Variants in RASSF8 observed in about 807,000 individuals in gnomAD.
RASSF8 encodes the protein Ras association domain family member 8.
RASSF8 carries 22 observed loss-of-function variants against 48.5 expected under a neutral mutation model. That is an observed-to-expected ratio of 0.45 (90% CI 0.32 to 0.65). The LOEUF (loss-of-function observed/expected upper bound fraction) is 0.65, where lower values mean the gene tolerates loss of function less well. Among genes scored for constraint, RASSF8 ranks in the 30% least tolerant of loss-of-function variants. The pLI, the probability that RASSF8 is intolerant of heterozygous loss-of-function variation, is 0.03. For missense variants in RASSF8, 418 were observed against 489.2 expected (o/e 0.85, Z 1.37); for synonymous variants, 127 against 171.5 (o/e 0.74, Z 2.03).
chr12:26,011,250 G>A (rs1238167050), intron 2 of RASSF8, among the ~76,000 whole-genome samples: 1 of 151,922 alleles, frequency 6.6e-6, no homozygotes, highest in African/African-American at 2.4e-5. Context: ...AACTGAGTCA[G>A]TCATGTGTCC....
chr12:25,958,694 C>T lies in RASSF8; in HGVS notation c.-657C>T, dbSNP rs1467864340. ...CGGCCCCCAGCCCAGAGGCACCGGC[C>T]GCGGGAGCGAGCGGGTCGCCGACTC... On this transcript the variant is annotated 5_prime_UTR_variant, in exon 1 of 6. Coordinates refer to ENST00000689635, the MANE Select transcript of RASSF8 (RefSeq NM_001394098.1). 6.8e-6 allele frequency: 1 copy of T among 146,460 alleles called. No individual in the cohort carries two copies. Among genetic ancestry groups the T allele is most frequent in the East Asian group, 2.0e-4 (1 of 5,038 alleles). The allele number at this position is 146,460 out of a possible 1,614,324, so 9.1% of individuals were successfully genotyped here. A position where few individuals can be genotyped will look rare whatever the true frequency, so the allele number is the denominator to read the frequency against.
Position 26,050,971 on chromosome 12 carries a change from G to A in RASSF8, c.-108-4265G>A, listed in dbSNP as rs115662410. 6.1e-3 allele frequency among the ~76,000 whole-genome samples: 924 copies of A among 152,230 alleles called. 6 individuals carry two copies. The highest frequency in any genetic ancestry group is 0.021 in the African/African-American group (871 of 41,522). ...CCAGTTTCCAGGTGATTAAAGATAA[G>A]ATTTCTTAGGGTGGTTTAGGACATT... is the stretch of plus-strand genomic sequence containing the variant. On this transcript the variant is annotated intron_variant, in intron 2 of 5. Coordinates refer to ENST00000689635, the MANE Select transcript of RASSF8 (RefSeq NM_001394098.1).
downstream of RASSF8, among the ~76,000 whole-genome samples, chr12:26,076,165 C>T (rs1456684690): frequency 6.6e-6 from 1 of 152,030 alleles, no homozygotes; most frequent in African/African-American, 2.4e-5. Context: ...TACATATTCC[C>T]GATTCTTGCA....
intron 1 of RASSF8, among the ~76,000 whole-genome samples, chr12:25,988,459 A>G (rs1166020513): frequency 1.3e-5 from 2 of 152,190 alleles, no homozygotes; most frequent in South Asian, 2.1e-4. Flanking sequence ...AATCTGTAGT[A>G]TTTAGAAAAA....
At chr12:26,029,672 A>C (rs1430621825) in intron 2 of RASSF8, among the ~76,000 whole-genome samples, 3 of 152,226 alleles carry the variant, frequency 2.0e-5, no homozygotes, top group Non-Finnish European at 4.4e-5. Context: ...CTGAGGAACA[A>C]GATCATTTCC....
chr12:26,048,533 T>C (rs1943421477), intron 2 of RASSF8, among the ~76,000 whole-genome samples: 1 of 152,132 alleles, frequency 6.6e-6, no homozygotes, highest in Non-Finnish European at 1.5e-5. Context: ...CCATCAGGAA[T>C]TGTCTTGTAA....
In RASSF8 at chr12:26,036,456, G is replaced by A. The variant is rs915851149; in HGVS notation, c.-108-18780G>A. On this transcript the variant is annotated intron_variant, in intron 2 of 5. Transcript: ENST00000689635. ...TTATTTCAATATTTATTATTTTTTA[G>A]AAAGTTATTTTTATATATGGGCCAT... Among the ~76,000 whole-genome samples the A allele has an allele frequency of 2.6e-5, 4 of 151,922 alleles. No individual in the cohort carries two copies. In the East Asian group the frequency reaches 5.8e-4, roughly 22 times the overall value.
chr12:26,015,672 G>A (rs1942631879), intron 2 of RASSF8, among the ~76,000 whole-genome samples: 3 of 150,518 alleles, frequency 2.0e-5, no homozygotes, highest in African/African-American at 7.3e-5. Context: ...TTATTTTTTA[G>A]TGATGTTGTT....
At chr12:25,995,189 C>G (rs1292956693) in intron 2 of RASSF8, 59 bp downstream of exon 2, 1 of 152,094 alleles carries the variant, frequency 6.6e-6, no homozygotes, top group Non-Finnish European at 1.5e-5. Flanking sequence ...GTAGCACTTT[C>G]AATGACTTTT....
chr12:25,961,875 A>T (rs916993090), intron 1 of RASSF8, among the ~76,000 whole-genome samples: 1 of 152,090 alleles, frequency 6.6e-6, no homozygotes, highest in African/African-American at 2.4e-5. Context: ...AAACCAGTCC[A>T]TCATAAAGTC....
At chr12:26,011,585 C>T (rs1050959573) in intron 2 of RASSF8, among the ~76,000 whole-genome samples, 3 of 152,110 alleles carry the variant, frequency 2.0e-5, no homozygotes, top group African/African-American at 7.2e-5. Flanking sequence ...GAAACCTAAT[C>T]ACCGTTAGGA....
At chr12:26,001,310 C>G (rs899323202) in intron 2 of RASSF8, among the ~76,000 whole-genome samples, 8 of 151,418 alleles carry the variant, frequency 5.3e-5, no homozygotes, top group African/African-American at 1.9e-4. Flanking sequence ...GGTGGGATTA[C>G]AGGCCTATTT....
At chr12:26,010,554 G>A (rs1427945895) in intron 2 of RASSF8, among the ~76,000 whole-genome samples, 1 of 152,148 alleles carries the variant, frequency 6.6e-6, no homozygotes, top group Non-Finnish European at 1.5e-5. Context: ...GTGGTTTAAG[G>A]GAAACAGTGG....
rs1054438304 is a variant in RASSF8, at chr12:26,041,086, G to A, written c.-108-14150G>A. Among the ~76,000 whole-genome samples the A allele has an allele frequency of 3.3e-5, 5 of 151,612 alleles. No homozygotes were observed. In the South Asian group the frequency reaches 1.0e-3, roughly 32 times the overall value. ...TTTTTGTATTTTTAGTAGAGACGGG[G>A]TTTCACCTTGTTAGCCAGGATGGTC... On this transcript the variant is annotated intron_variant, in intron 2 of 5. Transcript: ENST00000689635.
chr12:26,072,930 T>A, downstream of RASSF8: 1 of 670,940 alleles, frequency 1.5e-6, no homozygotes, highest in Non-Finnish European at 1.8e-6. Flanking sequence ...TTACTTCCTT[T>A]AAAAGATACC....
intron 2 of RASSF8, among the ~76,000 whole-genome samples, chr12:26,023,437 T>C (rs1304050438): frequency 6.6e-6 from 1 of 152,222 alleles, no homozygotes; most frequent in Non-Finnish European, 1.5e-5. Flanking sequence ...AATAGCTGAC[T>C]TCTCATCGGA....
At chr12:26,066,485 C>G (rs1189391098) in intron 4 of RASSF8, among the ~76,000 whole-genome samples, 2 of 152,106 alleles carry the variant, frequency 1.3e-5, no homozygotes, top group African/African-American at 4.8e-5. Flanking sequence ...AACTACCACC[C>G]AAATTTTGAA....
intron 1 of RASSF8, among the ~76,000 whole-genome samples, chr12:25,979,306 T>A (rs1197434352): frequency 6.6e-6 from 1 of 151,928 alleles, no homozygotes; most frequent in Non-Finnish European, 1.5e-5. Context: ...GAAAATGAGA[T>A]CAGTGCCCTC....
chr12:25,992,393 C>G (rs1307193406), intron 1 of RASSF8, among the ~76,000 whole-genome samples: 1 of 152,166 alleles, frequency 6.6e-6, no homozygotes, highest in Middle Eastern at 3.2e-3. Context: ...CCTTTTGATT[C>G]TTTTCTAATT....
Sources: allele counts gnomAD v4.1 joint callset (sites outside exome capture counted in the v4.1 genomes callset), GRCh38; gene constraint gnomAD v4.1.1; transcripts MANE v1.5; gene names NCBI Gene and HGNC (gene_info 2026-07-23, HGNC 2026-07-21).